TENM3: variants seen among roughly 807,000 people sequenced by gnomAD.
The protein encoded by TENM3 is teneurin-3.
Under a neutral mutation model 255.1 loss-of-function variants are expected in TENM3, and 63 were observed. That is an observed-to-expected ratio of 0.25 (90% CI 0.20 to 0.30). TENM3 has a LOEUF of 0.30. TENM3 is among the 10% of genes least tolerant of loss of function. The pLI is 1.00. For synonymous variants in TENM3, 1,306 were observed against 1,322.3 expected (o/e 0.99, Z 0.27); for missense variants, 2,929 against 3,461.1 (o/e 0.85, Z 3.86).
At chr4:182,431,034 A>C (rs530386397) in intron 3 of TENM3, among the ~76,000 whole-genome samples, 2 of 99,174 alleles carry the variant, frequency 2.0e-5, no homozygotes, top group South Asian at 7.1e-4. Flanking sequence ...TAAATAAATA[A>C]ATAAACAAAC....
At chr4:181,712,239 T>C in the TENM3 span, among the ~76,000 whole-genome samples, 2 of 152,182 alleles carry the variant, frequency 1.3e-5, no homozygotes, top group Non-Finnish European at 2.9e-5. Context: ...AAATCTCATG[T>C]TGAACTATAA....
At chr4:181,939,075 T>C in the TENM3 span, among the ~76,000 whole-genome samples, 1 of 152,164 alleles carries the variant, frequency 6.6e-6, no homozygotes, top group Non-Finnish European at 1.5e-5. Flanking sequence ...AAAAAAAAGA[T>C]GGCATGGATT....
At chr4:182,715,332 C>T (rs1759073104) in intron 13 of TENM3, among the ~76,000 whole-genome samples, 1 of 152,210 alleles carries the variant, frequency 6.6e-6, no homozygotes, top group South Asian at 2.1e-4. Context: ...CTTTTTGAGA[C>T]TGTGCACATG....
the TENM3 span, among the ~76,000 whole-genome samples, chr4:181,885,019 G>A: frequency 6.6e-6 from 1 of 151,856 alleles, no homozygotes; most frequent in African/African-American, 2.4e-5. Flanking sequence ...TCTAGATCTT[G>A]GTCTCAAAGG....
chr4:181,936,211 G>A, the TENM3 span, among the ~76,000 whole-genome samples: 4 of 152,066 alleles, frequency 2.6e-5, no homozygotes, highest in Non-Finnish European at 4.4e-5. Flanking sequence ...GACCAATGTG[G>A]TGAAACCCCG....
chr4:181,849,949 T>TCTCTCTCTCA, the TENM3 span, among the ~76,000 whole-genome samples: 313 of 65,944 alleles, frequency 4.7e-3, no homozygotes, highest in African/African-American at 0.012. Context: ...TCTCTCTCTC[T>TCTCTCTCTCA]CACACACACA....
At chr4:181,591,079 A>C in the TENM3 span, among the ~76,000 whole-genome samples, 2 of 152,260 alleles carry the variant, frequency 1.3e-5, no homozygotes, top group Non-Finnish European at 2.9e-5. Context: ...GTTAATCTGC[A>C]TTGACAAACA....
intron 1 of TENM3, among the ~76,000 whole-genome samples, chr4:182,289,874 G>A (rs763258332): frequency 2.0e-5 from 3 of 152,050 alleles, no homozygotes; most frequent in Middle Eastern, 3.2e-3. Context: ...CGGGTTGCCC[G>A]CGGCTCCACC....
chr4:182,384,381 A>G (rs1469131748), intron 3 of TENM3, among the ~76,000 whole-genome samples: 1 of 151,848 alleles, frequency 6.6e-6, no homozygotes, highest in Non-Finnish European at 1.5e-5. Flanking sequence ...AAAATTACAG[A>G]GTAGACGCAG....
the TENM3 span, among the ~76,000 whole-genome samples, chr4:181,517,361 A>G: frequency 6.7e-4 from 102 of 152,298 alleles, no homozygotes; most frequent in African/African-American, 2.2e-3. Context: ...TAAAGCTCCT[A>G]TCTGGGAAGG....
chr4:181,599,421 G>T, the TENM3 span, among the ~76,000 whole-genome samples: 1 of 152,142 alleles, frequency 6.6e-6, no homozygotes, highest in African/African-American at 2.4e-5. Context: ...ATTCTCAAAG[G>T]CCACAATAAA....
intron 3 of TENM3, among the ~76,000 whole-genome samples, chr4:182,547,893 T>C (rs941095515): frequency 2.0e-5 from 3 of 152,110 alleles, no homozygotes; most frequent in Non-Finnish European, 4.4e-5. Flanking sequence ...TGTTTTCTTT[T>C]TCTAACCCAA....
chr4:181,966,284 G>C, the TENM3 span, among the ~76,000 whole-genome samples: 2,345 of 152,244 alleles, frequency 0.015, 55 homozygotes, highest in African/African-American at 0.053. Flanking sequence ...TCAGTTTGGG[G>C]TGGTGGGGAT....
the TENM3 span, among the ~76,000 whole-genome samples, chr4:181,580,642 CT>C: frequency 1.3e-5 from 2 of 152,104 alleles, no homozygotes; most frequent in African/African-American, 4.8e-5. Flanking sequence ...CCAGACCCCC[CT>C]GAGAGGAGAG....
chr4:182,121,068 G>A, the TENM3 span, among the ~76,000 whole-genome samples: 1 of 151,976 alleles, frequency 6.6e-6, no homozygotes, highest in Non-Finnish European at 1.5e-5. Flanking sequence ...GCATGATCTT[G>A]GCTCACTGCA....
chr4:182,588,847 C>T (rs1423488339), intron 3 of TENM3, among the ~76,000 whole-genome samples: 1 of 152,136 alleles, frequency 6.6e-6, no homozygotes, highest in East Asian at 1.9e-4. Context: ...TAGCCATGTA[C>T]ACTTGTTTTC....
the TENM3 span, among the ~76,000 whole-genome samples, chr4:181,756,286 A>G: frequency 6.6e-6 from 1 of 152,216 alleles, no homozygotes; most frequent in East Asian, 1.9e-4. Context: ...TAAATAGGAA[A>G]AAAAGCAACT....
At chr4:181,479,901 C>G in the TENM3 span, among the ~76,000 whole-genome samples, 5 of 152,082 alleles carry the variant, frequency 3.3e-5, no homozygotes, top group Non-Finnish European at 7.4e-5. Flanking sequence ...TTGCAAAGTG[C>G]TTTGTAAAAT....
the TENM3 span, among the ~76,000 whole-genome samples, chr4:181,902,769 T>TG: frequency 6.7e-6 from 1 of 149,716 alleles, no homozygotes. Flanking sequence ...TGTCAGGGGG[T>TG]GGGGGGCAAG....
Sources: allele counts gnomAD v4.1 joint callset (sites outside exome capture counted in the v4.1 genomes callset), GRCh38; gene constraint gnomAD v4.1.1; transcripts MANE v1.5; gene names NCBI Gene and HGNC (gene_info 2026-07-23, HGNC 2026-07-21).